SDK1: variants seen among roughly 807,000 people sequenced by gnomAD.
SDK1 encodes the protein sidekick cell adhesion molecule 1.
In SDK1, 157 loss-of-function variants were observed where a neutral mutation model predicts 245.5. The observed-to-expected ratio is 0.64, with a 90% confidence interval of 0.56 to 0.73. The LOEUF is 0.73. Ranked by LOEUF, SDK1 falls within the 30% of genes least tolerant of loss-of-function variation. The pLI, the probability that SDK1 is intolerant of heterozygous loss-of-function variation, is 0.00. For missense variants in SDK1, 3,583 were observed against 3,002.3 expected (o/e 1.19, Z -4.52); for synonymous variants, 1,647 against 1,278.5 (o/e 1.29, Z -6.15).
At chr7:4,111,527 T>TA (rs58736600) in intron 23 of SDK1, among the ~76,000 whole-genome samples, 2,257 of 144,014 alleles carry the variant, frequency 0.016, 60 homozygotes, top group African/African-American at 0.051. Flanking sequence ...AAGTTAGAGT[T>TA]AAAAAAAAAA....
chr7:3,537,834 C>T (rs1385761968), intron 1 of SDK1, among the ~76,000 whole-genome samples: 1 of 152,182 alleles, frequency 6.6e-6, no homozygotes, highest in East Asian at 1.9e-4. Flanking sequence ...TGCCAGTGTT[C>T]AGGAAGCAGA....
chr7:4,055,173 C>T (rs1246789511), intron 19 of SDK1, among the ~76,000 whole-genome samples: 2 of 152,136 alleles, frequency 1.3e-5, no homozygotes, highest in African/African-American at 4.8e-5. Flanking sequence ...AAATTGGTGT[C>T]ATTTTCTCTT....
intron 5 of SDK1, among the ~76,000 whole-genome samples, chr7:3,943,477 G>GC (rs1188592378): frequency 1.5e-5 from 1 of 66,700 alleles, no homozygotes; most frequent in Non-Finnish European, 3.2e-5. Context: ...GTGCCCAGCT[G>GC]CCTACAGGGC....
intron 1 of SDK1, among the ~76,000 whole-genome samples, chr7:3,452,772 G>A (rs1477658615): frequency 1.3e-5 from 2 of 152,224 alleles, no homozygotes; most frequent in Admixed American, 6.5e-5. Flanking sequence ...AGAAATCCCC[G>A]CTGTTGACTG....
intron 22 of SDK1, among the ~76,000 whole-genome samples, chr7:4,081,298 C>A (rs1223490856): frequency 6.6e-6 from 1 of 152,184 alleles, no homozygotes; most frequent in African/African-American, 2.4e-5. Context: ...TGTGTCACTG[C>A]AGGAGAGTCT....
At chr7:3,582,839 C>T (rs757548020) in intron 1 of SDK1, among the ~76,000 whole-genome samples, 3 of 152,150 alleles carry the variant, frequency 2.0e-5, no homozygotes, top group Admixed American at 1.3e-4. Context: ...GCAACCCCTA[C>T]CTGCTGTTTT....
chr7:3,604,201 A>G (rs894313882), intron 1 of SDK1, among the ~76,000 whole-genome samples: 1 of 152,206 alleles, frequency 6.6e-6, no homozygotes, highest in Admixed American at 6.5e-5. Flanking sequence ...GCCTCATAAA[A>G]TGAGTTAGAG....
At position 4,267,564 on chromosome 7, in the gene SDK1, A is replaced by G. The variant is rs1158430205; in HGVS notation, c.*2180A>G. The G allele has an allele frequency of 1.0e-6, 1 of 985,394 alleles. No homozygotes were observed. The highest frequency in any genetic ancestry group is 1.2e-6 in the Non-Finnish European group (1 of 829,964). The allele number at this position is 985,394 out of a possible 1,614,324, so 61.0% of individuals were successfully genotyped here. A position where few individuals can be genotyped will look rare whatever the true frequency, so the allele number is the denominator to read the frequency against. ...ACTGGAATTTCTTGGAAGAGAAGCG[A>G]TAAATGGAGACCATGGCCAGCGCTG... is the stretch of plus-strand genomic sequence containing the variant. On this transcript the variant is annotated 3_prime_UTR_variant, in exon 45 of 45. Coordinates refer to ENST00000404826, the MANE Select transcript of SDK1 (RefSeq NM_152744.4).
chr7:3,733,844 G>A (rs1779246620), intron 4 of SDK1, among the ~76,000 whole-genome samples: 2 of 152,124 alleles, frequency 1.3e-5, no homozygotes, highest in African/African-American at 4.8e-5. Context: ...AGAACAAATT[G>A]GCTTCCAGAT....
intron 1 of SDK1, among the ~76,000 whole-genome samples, chr7:3,472,971 A>G (rs932514941): frequency 7.2e-5 from 11 of 152,144 alleles, no homozygotes; most frequent in Non-Finnish European, 1.2e-4. Context: ...GTGGTCTGCT[A>G]TTTGACCCTT....
intron 4 of SDK1, among the ~76,000 whole-genome samples, chr7:3,683,372 T>C (rs186357754): frequency 1.2e-3 from 181 of 152,164 alleles, no homozygotes; most frequent in African/African-American, 4.2e-3. Context: ...ACAAAACTGG[T>C]TTAGACAATA....
chr7:4,201,211 G>A (rs186207293), intron 35 of SDK1, among the ~76,000 whole-genome samples: 1 of 152,216 alleles, frequency 6.6e-6, no homozygotes, highest in African/African-American at 2.4e-5. Flanking sequence ...GTCCCCACCT[G>A]AGTAGAAGCA....
Position 3,962,832 on chromosome 7 carries a change from C to T in SDK1, c.1410C>T (p.His470=). ...ASNEGGEIQT[H]TYLDVTNIAP... ...ATGAAGGAGGGGAGATCCAGACCCA[C>T]ACCTACCTGGATGTAACCAGTGAGT... The change falls in exon 9 of 45, where the codon CAC becomes CAT. Residue 470 remains histidine, a synonymous_variant. Transcript: ENST00000404826. 3 of 1,612,686 alleles carry T rather than the reference C, an allele frequency of 1.9e-6. No homozygotes were observed. The highest frequency in any genetic ancestry group is 2.5e-6 in the Non-Finnish European group (3 of 1,179,500).
chr7:3,705,381 C>A (rs1784854427), intron 4 of SDK1, among the ~76,000 whole-genome samples: 1 of 150,464 alleles, frequency 6.6e-6, no homozygotes, highest in Admixed American at 6.6e-5. Context: ...GTTTGTAGTT[C>A]TCTGAAGAGA....
At chr7:3,336,312 A>T (rs1377544083) in intron 1 of SDK1, among the ~76,000 whole-genome samples, 1 of 152,130 alleles carries the variant, frequency 6.6e-6, no homozygotes, top group Non-Finnish European at 1.5e-5. Context: ...TGGTACTTCA[A>T]TTCCCCTGTC....
chr7:3,611,894 C>T (rs534540458), intron 1 of SDK1, among the ~76,000 whole-genome samples: 155 of 152,102 alleles, frequency 1.0e-3, no homozygotes, highest in South Asian at 7.9e-3. Context: ...TAAATTAGTA[C>T]GACCATGGAA....
intron 41 of SDK1, among the ~76,000 whole-genome samples, chr7:4,235,182 TG>T (rs1388998613): frequency 2.0e-5 from 3 of 152,098 alleles, no homozygotes; most frequent in Non-Finnish European, 4.4e-5. Context: ...TTATTTTTTT[TG>T]AGATGGAGTC....
At chr7:3,674,176 A>G (rs918235373) in intron 4 of SDK1, among the ~76,000 whole-genome samples, 1 of 152,236 alleles carries the variant, frequency 6.6e-6, no homozygotes, top group Non-Finnish European at 1.5e-5. Flanking sequence ...TCACTAAAAG[A>G]TAAGGGAAAG....
At chr7:3,571,283 A>G (rs12539805) in intron 1 of SDK1, among the ~76,000 whole-genome samples, 24,233 of 151,936 alleles carry the variant, frequency 0.16, 2,565 homozygotes, top group South Asian at 0.3. Flanking sequence ...TATCTTTGTT[A>G]TTAAGAGAGC....
Sources: allele counts gnomAD v4.1 joint callset (sites outside exome capture counted in the v4.1 genomes callset), GRCh38; gene constraint gnomAD v4.1.1; transcripts MANE v1.5; gene names NCBI Gene and HGNC (gene_info 2026-07-23, HGNC 2026-07-21).